The following MEGF10 variants were observed in gnomAD, a reference collection of about 807,000 sequenced individuals.
MEGF10 encodes multiple epidermal growth factor-like domains protein 10.
A neutral mutation model predicts 147.5 loss-of-function variants in MEGF10; 86 were observed. The observed-to-expected ratio is 0.58, with a 90% CI of 0.49 to 0.70. The LOEUF is 0.70. Ranked by LOEUF, MEGF10 falls within the 30% of genes least tolerant of loss-of-function variation. The probability of loss-of-function intolerance (pLI) is 0.00; values close to 1 mark genes in which losing one functional copy is unlikely to be tolerated. For missense variants in MEGF10, 1,329 were observed against 1,487.3 expected (o/e 0.89, Z 1.75); for synonymous variants, 478 against 525.5 (o/e 0.91, Z 1.24).
intron 5 of MEGF10, among the ~76,000 whole-genome samples, chr5:127,378,215 G>A (rs558213273): frequency 1.3e-5 from 2 of 152,260 alleles, no homozygotes; most frequent in African/African-American, 4.8e-5. Flanking sequence ...CTTTGAACAA[G>A]GATAAGAATA....
upstream of MEGF10, among the ~76,000 whole-genome samples, chr5:127,287,636 T>G (rs1171259006): frequency 6.6e-6 from 1 of 152,006 alleles, no homozygotes; most frequent in Non-Finnish European, 1.5e-5. Context: ...GGAATCGATA[T>G]TTTTATGTCA....
At chr5:127,264,606 C>CCTG in the MEGF10 span, among the ~76,000 whole-genome samples, 2 of 152,126 alleles carry the variant, frequency 1.3e-5, no homozygotes, top group Non-Finnish European at 2.9e-5. Flanking sequence ...CACTCTCCAT[C>CCTG]AGGCAGGTTC....
chr5:127,305,852 C>T (rs1299116596), intron 1 of MEGF10, among the ~76,000 whole-genome samples: 2 of 152,218 alleles, frequency 1.3e-5, no homozygotes, highest in East Asian at 3.8e-4. Context: ...TGTCACCTCC[C>T]TGCACAATCA....
intron 1 of MEGF10, among the ~76,000 whole-genome samples, chr5:127,296,044 C>G (rs17165103): frequency 6.6e-6 from 1 of 152,098 alleles, no homozygotes; most frequent in East Asian, 1.9e-4. Context: ...TACCTTTTGT[C>G]TCTCTTTACC....
intron 8 of MEGF10, among the ~76,000 whole-genome samples, chr5:127,408,357 T>G (rs1166500727): frequency 6.6e-6 from 1 of 152,198 alleles, no homozygotes; most frequent in Non-Finnish European, 1.5e-5. Context: ...TGGAACTGAC[T>G]TGCAAGAAAA....
intron 14 of MEGF10, 72 bp downstream of exon 14, chr5:127,433,581 T>C: frequency 5.9e-6 from 9 of 1,513,118 alleles, no homozygotes; most frequent in Non-Finnish European, 8.0e-6. Flanking sequence ...ATGATCTCTG[T>C]CCCACCTCTC....
chr5:127,402,706 C>G, intron 8 of MEGF10, 24 bp downstream of exon 8: 3 of 1,612,544 alleles, frequency 1.9e-6, no homozygotes, highest in Admixed American at 1.7e-5. Flanking sequence ...TTGTATTTCT[C>G]TGACTGTTTA....
At chr5:127,389,346 T>A (rs1285628983) in intron 5 of MEGF10, among the ~76,000 whole-genome samples, 1 of 152,048 alleles carries the variant, frequency 6.6e-6, no homozygotes, top group Non-Finnish European at 1.5e-5. Flanking sequence ...GTTCAATTAT[T>A]GTGAAAACAG....
intron 1 of MEGF10, among the ~76,000 whole-genome samples, chr5:127,318,635 C>T (rs909839059): frequency 5.9e-5 from 9 of 152,016 alleles, no homozygotes; most frequent in African/African-American, 1.9e-4. Flanking sequence ...AACTCTCCAA[C>T]AATCTTGCCA....
the MEGF10 span, among the ~76,000 whole-genome samples, chr5:127,275,584 C>T: frequency 2.6e-5 from 4 of 151,124 alleles, no homozygotes; most frequent in African/African-American, 9.8e-5. Flanking sequence ...CTTTCGAATT[C>T]GAAGATCATG....
chr5:127,393,608 G>A (rs752959148), intron 5 of MEGF10, among the ~76,000 whole-genome samples: 14 of 152,192 alleles, frequency 9.2e-5, no homozygotes, highest in Admixed American at 3.3e-4. Context: ...TGAGGTCCAT[G>A]TATTAGTGGC....
chr5:127,349,571 T>C (rs1762014490), intron 4 of MEGF10, among the ~76,000 whole-genome samples: 1 of 152,188 alleles, frequency 6.6e-6, no homozygotes. Flanking sequence ...CTTTAAGTCC[T>C]TCATATAAGT....
Position 127,402,671 on chromosome 5 carries a change from C to A in MEGF10, c.906C>A (p.Tyr302Ter). 1 of 1,613,856 alleles carries A rather than the reference C, an allele frequency of 6.2e-7. No individual in the cohort carries two copies. The highest frequency in any genetic ancestry group is 8.5e-7 in the Non-Finnish European group (1 of 1,179,906). ...GCCAATGTCATTGCAGTCCAGGATA[C>A]ACAGGGGAACGGTAAGGGATGCCCT... ...ATGQCHCSPG[Y>*]TGERCQDECP... Residue 302 changes from tyrosine (Y) to a stop codon, truncating the protein, a stop_gained, in exon 8 of 25, where the codon TAC (tyrosine) becomes TAA (stop). Transcript: ENST00000503335. LOFTEE classifies it high-confidence loss of function.
chr5:127,424,583 A>C, intron 13 of MEGF10: 4 of 1,374,382 alleles, frequency 2.9e-6, no homozygotes, highest in Non-Finnish European at 2.8e-6. Flanking sequence ...TTTCTAAAGG[A>C]GTAAACTGAG....
At chr5:127,381,099 G>T (rs1360198825) in intron 5 of MEGF10, among the ~76,000 whole-genome samples, 1 of 152,178 alleles carries the variant, frequency 6.6e-6, no homozygotes, top group Non-Finnish European at 1.5e-5. Flanking sequence ...TAACAATTTT[G>T]CTATCTAAAC....
At chr5:127,403,159 G>T (rs937378613) in intron 8 of MEGF10, among the ~76,000 whole-genome samples, 1 of 152,144 alleles carries the variant, frequency 6.6e-6, no homozygotes, top group African/African-American at 2.4e-5. Flanking sequence ...AGGGCCCTCT[G>T]GTCCCACACG....
chr5:127,413,786 A>G (rs1764659335), intron 9 of MEGF10, among the ~76,000 whole-genome samples: 1 of 152,216 alleles, frequency 6.6e-6, no homozygotes, highest in Non-Finnish European at 1.5e-5. Flanking sequence ...ACATCTAATT[A>G]TAAATTGCAG....
At chr5:127,295,881 T>C (rs903662511) in intron 1 of MEGF10, among the ~76,000 whole-genome samples, 1 of 152,252 alleles carries the variant, frequency 6.6e-6, no homozygotes, top group African/African-American at 2.4e-5. Flanking sequence ...TTGTCTTCTT[T>C]TAAAATTATG....
intron 12 of MEGF10, 52 bp downstream of exon 12, chr5:127,420,259 G>T: frequency 6.4e-7 from 1 of 1,573,842 alleles, no homozygotes; most frequent in Admixed American, 1.8e-5. Flanking sequence ...AACTGATGTT[G>T]TAAAGTTGGC....
Sources: gnomAD v4.1 joint callset for allele counts (sites outside exome capture counted in the v4.1 genomes callset) on GRCh38, gnomAD v4.1.1 for gene constraint, MANE v1.5 for transcripts, NCBI Gene and HGNC (gene_info 2026-07-23, HGNC 2026-07-21) for gene names.